SNRPA1: variants seen among roughly 807,000 people sequenced by gnomAD.
The protein encoded by SNRPA1 is small nuclear ribonucleoprotein polypeptide A', also known as U2 small nuclear ribonucleoprotein A'.
A neutral mutation model predicts 32.3 loss-of-function variants in SNRPA1; 5 were observed. The observed-to-expected ratio is 0.15, with a 90% confidence interval of 0.08 to 0.33. The LOEUF (loss-of-function observed/expected upper bound fraction) is 0.33. Among genes scored for constraint, SNRPA1 ranks in the 10% least tolerant of loss-of-function variants. The probability of loss-of-function intolerance (pLI) is 1.00; values close to 1 mark genes in which losing one functional copy is unlikely to be tolerated. For missense variants in SNRPA1, 198 were observed against 311.1 expected, an observed-to-expected ratio of 0.64 and a Z score of 2.74; for synonymous variants, 111 against 120.1, an observed-to-expected ratio of 0.92 and a Z score of 0.50.
At position 101,295,161 on chromosome 15, in the gene SNRPA1, C is replaced by T. The variant is rs748291600; in HGVS notation, c.18G>A (p.Ala6=). The T allele has an allele frequency of 3.9e-5, 61 of 1,556,418 alleles. No homozygotes were observed. Among genetic ancestry groups the T allele is most frequent in the Non-Finnish European group, 5.0e-5 (58 of 1,155,654 alleles). ...ACTGCGCCGCCTGCTCGATCAGCTC[C>T]GCCGTCAGCTTGACCATCCTGCAGC... The part of the protein sequence containing the change: MVKLT[A]ELIEQAAQYT... Residue 6 remains alanine (A), a synonymous_variant, in exon 1 of 9, where the codon GCG becomes GCA. Transcript: ENST00000254193.
chr15:101,291,709 G>C (rs1307109131), intron 3 of SNRPA1, among the ~76,000 whole-genome samples: 1 of 152,184 alleles, frequency 6.6e-6, no homozygotes, highest in African/African-American at 2.4e-5. Flanking sequence ...CAATAAAGAA[G>C]AAGATTGATT....
At chr15:101,290,503 AG>A (rs2039511143) in intron 3 of SNRPA1, among the ~76,000 whole-genome samples, 1 of 152,192 alleles carries the variant, frequency 6.6e-6, no homozygotes, top group South Asian at 2.1e-4. Context: ...CCACAAGGAA[AG>A]GAACACAGTT....
At position 101,286,197 on chromosome 15, in the gene SNRPA1, G is replaced by C; in HGVS notation, c.539+17C>G. 2 of 1,603,410 alleles carry C rather than the reference G, an allele frequency of 1.2e-6. No homozygotes were observed. Among genetic ancestry groups the C allele is most frequent in the South Asian group, 2.2e-5 (2 of 90,752 alleles). On this transcript the variant is annotated intron_variant, in intron 6 of 8. Transcript: ENST00000254193. ...TCTGAAGGTGAAGTAGAGTTAAGTT[G>C]GATATCCGTGTCTTACGTTTTGCTT...
intron 5 of SNRPA1, 154 bp downstream of exon 5, chr15:101,286,754 T>C: frequency 1.8e-6 from 1 of 570,118 alleles, no homozygotes; most frequent in Non-Finnish European, 3.1e-6. Flanking sequence ...ACTCTGCTAT[T>C]AGAAAAAAAT....
chr15:101,281,557 G>T lies in SNRPA1; in HGVS notation c.*167C>A. The T allele has an allele frequency of 1.7e-6, 1 of 588,414 alleles. No individual in the cohort carries two copies. The highest frequency in any genetic ancestry group is 3.1e-6 in the Non-Finnish European group (1 of 324,324). The allele number at this position is 588,414 out of a possible 1,614,324, so 36.4% of individuals were successfully genotyped here. A position where few individuals can be genotyped will look rare whatever the true frequency, so the allele number is the denominator to read the frequency against. On this transcript the variant is annotated 3_prime_UTR_variant, in exon 9 of 9. Transcript: ENST00000254193. ...TTATTTTTATAATTTGTAGAAAATT[G>T]ACATTTAGATTTCAAAACTTATATT...
At chr15:101,293,720 A>C (rs572619793) in intron 1 of SNRPA1, among the ~76,000 whole-genome samples, 1 of 152,232 alleles carries the variant, frequency 6.6e-6, no homozygotes, top group Non-Finnish European at 1.5e-5. Flanking sequence ...TACAGTAATA[A>C]ATCTGTGAAC....
In SNRPA1 at chr15:101,295,144, G is replaced by A; in HGVS notation, c.35C>T (p.Ala12Val). ...GCGCACCGCGTTGGTGTACTGCGCC[G>A]CCTGCTCGATCAGCTCCGCCGTCAG... is the stretch of plus-strand genomic sequence containing the variant. Reference protein sequence around the residue: ...VKLTAELIEQAAQYTNAVRDR... With the variant: ...VKLTAELIEQVAQYTNAVRDR... The change falls in exon 1 of 9, where the codon GCG becomes GTG. Residue 12 changes from alanine (A) to valine (V), a missense_variant. This residue lies in a region of SNRPA1 where 119 missense variants were observed against 171.6 expected (regional missense o/e 0.69). Transcript: ENST00000254193. 3 of 1,557,466 alleles carry A rather than the reference G, an allele frequency of 1.9e-6. No homozygotes were observed. Among genetic ancestry groups the A allele is most frequent in the Admixed American group, 1.8e-5 (1 of 54,222 alleles).
chr15:101,293,153 A>C lies in SNRPA1; in HGVS notation c.102T>G (p.Ile34Met). ...GGTCTAACGTAGCACCTAGATTTTC[A>C]ATGACGGGAATTTTATACCCTATAA... is the stretch of plus-strand genomic sequence containing the variant. ...LDLRGYKIPVIENLGATLDQF... is the reference protein window; with the variant it reads ...LDLRGYKIPVMENLGATLDQF... The change falls in exon 2 of 9, where the codon ATT (isoleucine) becomes ATG (methionine). Residue 34 changes from isoleucine to methionine, a missense_variant. Around this residue, in one of 3 missense-constraint regions of SNRPA1, gnomAD observed 119 missense variants for 171.6 expected, o/e 0.69. Transcript: ENST00000254193. The C allele has an allele frequency of 6.2e-7, 1 of 1,609,250 alleles. No individual in the cohort carries two copies. The highest frequency in any genetic ancestry group is 8.5e-7 in the Non-Finnish European group (1 of 1,177,178).
At chr15:101,291,108 T>C (rs1284898184) in intron 3 of SNRPA1, among the ~76,000 whole-genome samples, 9 of 151,816 alleles carry the variant, frequency 5.9e-5, no homozygotes, top group Non-Finnish European at 1.2e-4. Flanking sequence ...CTAGAACTCC[T>C]GGGCTCAAGT....
In SNRPA1 at chr15:101,282,490, G is replaced by A. The variant is rs565922101; in HGVS notation, c.710-708C>T. Among the ~76,000 whole-genome samples, 24 of 152,322 alleles carry A rather than the reference G, an allele frequency of 1.6e-4. No homozygotes were observed. The South Asian group carries it at 2.3e-3, about 14-fold the overall frequency. ...GATTTTAACAGCCTGTGCAGATAATGGTGGATGCTCTTTTTAGATACTATG... is the reference window on the plus strand; with the variant it reads ...GATTTTAACAGCCTGTGCAGATAATAGTGGATGCTCTTTTTAGATACTATG... On this transcript the variant is annotated intron_variant, in intron 8 of 8. Transcript: ENST00000254193.
intron 2 of SNRPA1, 50 bp downstream of exon 2, chr15:101,292,975 T>C (rs1209496273): frequency 5.8e-6 from 8 of 1,367,982 alleles, no homozygotes; most frequent in East Asian, 2.5e-5. Context: ...CAGGAAACAC[T>C]GCAACATTTA....
chr15:101,287,023 G>A lies in SNRPA1; in HGVS notation c.357-13C>T. The A allele has an allele frequency of 6.8e-7, 1 of 1,459,890 alleles. No individual in the cohort carries two copies. The highest frequency in any genetic ancestry group is 9.6e-7 in the Non-Finnish European group (1 of 1,042,090). The allele number at this position is 1,459,890 out of a possible 1,614,324, so 90.4% of individuals were successfully genotyped here. ...ATTTCTTAGGATACTACAAGAAAAG[G>A]AATGACACAATGGCAAACTTGTTCA... On this transcript the variant is annotated splice_polypyrimidine_tract_variant and intron_variant, in intron 4 of 8. Transcript: ENST00000254193.
chr15:101,286,151 C>A (rs1487548105), intron 6 of SNRPA1, 63 bp downstream of exon 6: 1 of 1,405,388 alleles, frequency 7.1e-7, no homozygotes, highest in Admixed American at 1.8e-5. Context: ...AGACGAACTG[C>A]CAGACAGATC....
Position 101,285,079 on chromosome 15 carries a change from T to C in SNRPA1, c.616-19A>G, listed in dbSNP as rs2039440372. Reference sequence around the variant, plus strand: ...TGGCATTCTGGAGGACAGAGGGCAATGGAGATGGATGATTAACTTCAACCA... The same window carrying C: ...TGGCATTCTGGAGGACAGAGGGCAACGGAGATGGATGATTAACTTCAACCA... On this transcript the variant is annotated intron_variant, in intron 7 of 8. Coordinates refer to ENST00000254193, the MANE Select transcript of SNRPA1 (RefSeq NM_003090.4). The C allele has an allele frequency of 3.2e-6, 5 of 1,558,288 alleles. No homozygotes were observed. Among genetic ancestry groups the C allele is most frequent in the Non-Finnish European group, 3.5e-6 (4 of 1,129,622 alleles).
intron 7 of SNRPA1, 111 bp from the exon 8 acceptor site, chr15:101,285,171 G>T (rs930252214): frequency 8.4e-5 from 61 of 723,934 alleles, no homozygotes; most frequent in Non-Finnish European, 2.2e-5. Context: ...TCTCCATCAG[G>T]AACATTAAAT....
chr15:101,285,898 G>T, intron 6 of SNRPA1, 97 bp from the exon 7 acceptor site: 1 of 878,016 alleles, frequency 1.1e-6, no homozygotes, highest in Non-Finnish European at 1.8e-6. Flanking sequence ...AACCAGTGTA[G>T]TATCTTATCT....
intron 3 of SNRPA1, 45 bp from the exon 4 acceptor site, chr15:101,287,747 A>C: frequency 6.4e-7 from 1 of 1,561,454 alleles, no homozygotes; most frequent in Non-Finnish European, 8.8e-7. Flanking sequence ...ACCACACGCT[A>C]TTTTGAGATT....
At chr15:101,284,918 C>T in intron 8 of SNRPA1, 49 bp downstream of exon 8, 1 of 1,403,628 alleles carries the variant, frequency 7.1e-7, no homozygotes, top group Middle Eastern at 1.8e-4. Flanking sequence ...GTGAGTTACA[C>T]TCTGAGTGTA....
Position 101,295,118 on chromosome 15 carries a change from C to A in SNRPA1, c.61G>T (p.Asp21Tyr), listed in dbSNP as rs781038951. ...TCACCCCGGAGGTCCAGCTCCCGGTCGCGCACCGCGTTGGTGTACTGCGCC... is the reference window on the plus strand; with the variant it reads ...TCACCCCGGAGGTCCAGCTCCCGGTAGCGCACCGCGTTGGTGTACTGCGCC... Reference protein sequence around the residue: ...QAAQYTNAVRDRELDLRGYKI... With the variant: ...QAAQYTNAVRYRELDLRGYKI... Residue 21 changes from aspartate to tyrosine, a missense_variant, in exon 1 of 9, where the codon GAC becomes TAC. Asp to Tyr is a radical substitution (Grantham distance 160, BLOSUM62 -3). Transcript: ENST00000254193. The A allele has an allele frequency of 6.5e-7, 1 of 1,541,340 alleles. No individual in the cohort carries two copies.
Sources: allele counts gnomAD v4.1 joint callset (sites outside exome capture counted in the v4.1 genomes callset), GRCh38; gene constraint gnomAD v4.1.1; regional missense constraint gnomAD v4.1.1; transcripts MANE v1.5; gene names NCBI Gene and HGNC (gene_info 2026-07-23, HGNC 2026-07-21).